PHF12: variants seen among roughly 807,000 people sequenced by gnomAD.
PHF12 encodes the protein PHD finger protein 12.
PHF12 carries 6 observed loss-of-function variants against 99.8 expected under a neutral mutation model. That is an observed-to-expected ratio of 0.06 (90% CI 0.03 to 0.12). PHF12 has a LOEUF of 0.12. Ranked by LOEUF, PHF12 falls within the 10% of genes least tolerant of loss-of-function variation. The pLI is 1.00. For synonymous variants in PHF12, 480 were observed against 514.9 expected (o/e 0.93, Z 0.92); for missense variants, 954 against 1,300.1 (o/e 0.73, Z 4.09).
chr17:28,906,570 G>T lies in PHF12; in HGVS notation c.2681-53C>A. 1 of 1,531,766 alleles carries T rather than the reference G, an allele frequency of 6.5e-7. No homozygotes were observed. The allele number at this position is 1,531,766 out of a possible 1,614,324, so 94.9% of individuals were successfully genotyped here. A position where few individuals can be genotyped will look rare whatever the true frequency, so the allele number is the denominator to read the frequency against. On this transcript the variant is annotated intron_variant, in intron 14 of 14. Transcript: ENST00000332830. This position sits in a 1 kb window ranked among gnomAD's most constrained non-coding sequence, Gnocchi z 4.2. Reference sequence around the variant, plus strand: ...GAGGAACAGTGAGCAGCCAACCCATGTGGGCTGTTTGCCAAGGTTGGGCTC... The same window carrying T: ...GAGGAACAGTGAGCAGCCAACCCATTTGGGCTGTTTGCCAAGGTTGGGCTC...
chr17:28,910,440 C>A, intron 10 of PHF12, 71 bp from the exon 11 acceptor site: 1 of 1,511,258 alleles, frequency 6.6e-7, no homozygotes, highest in Non-Finnish European at 9.0e-7. Flanking sequence ...ATCAGGGTCA[C>A]AGAGCAAATA....
At chr17:28,908,677 C>T in intron 12 of PHF12, 106 bp downstream of exon 12, 2 of 1,102,002 alleles carry the variant, frequency 1.8e-6, no homozygotes, top group South Asian at 1.4e-5. Flanking sequence ...AAGCAGTCAA[C>T]TCTGGAAAGG....
Position 28,912,973 on chromosome 17 carries a change from G to T in PHF12, c.1598C>A (p.Pro533His). The change falls in exon 9 of 15, where the codon CCT becomes CAT. Residue 533 changes from proline to histidine, a missense_variant. By Grantham distance (77) the Pro-to-His change is moderately conservative. Transcript: ENST00000332830. ...CACTGGCCCATTGGCAGTCCCACAA[G>T]GGGTTTTCTTGGATTTTTCCGCACA... ...SSCAEKSKKT[P>H]CGTANGPVNT... 1.2e-6 allele frequency: 2 copies of T among 1,614,236 alleles called. No individual in the cohort carries two copies. The highest frequency in any genetic ancestry group is 1.7e-5 in the Admixed American group (1 of 60,026).
At chr17:28,947,311 T>C (rs1301288360) in intron 2 of PHF12, among the ~76,000 whole-genome samples, 1 of 152,080 alleles carries the variant, frequency 6.6e-6, no homozygotes. Flanking sequence ...CATTCAAGAA[T>C]AAAAATGTTC....
chr17:28,928,777 A>AAAACAAAC (rs112582212), intron 2 of PHF12, among the ~76,000 whole-genome samples: 48 of 151,806 alleles, frequency 3.2e-4, no homozygotes, highest in African/African-American at 1.1e-3. Flanking sequence ...ACTCCATCTC[A>AAAACAAAC]AAACAAACAA....
chr17:28,951,278 TCCG>T lies in PHF12; in HGVS notation c.-321_-319del. On this transcript the variant is annotated 5_prime_UTR_variant, in exon 1 of 15. Coordinates refer to ENST00000332830, the MANE Select transcript of PHF12 (RefSeq NM_001033561.2). ...TAAAGCCGGCACTGGCGACAGCCGG[TCCG>T]GCCGGGAAGGCTGGCGGGCGCTGCC... is the stretch of plus-strand genomic sequence containing the variant. 8.7e-7 allele frequency: 1 copy of T among 1,142,896 alleles called. No homozygotes were observed. Among genetic ancestry groups the T allele is most frequent in the Non-Finnish European group, 1.1e-6 (1 of 927,344 alleles). 70.8% of individuals were successfully genotyped at this position (1,142,896 alleles called of 1,614,324 possible). A position where few individuals can be genotyped will look rare whatever the true frequency, so the allele number is the denominator to read the frequency against.
At chr17:28,914,163 C>T (rs955004630) in intron 7 of PHF12, 126 bp from the exon 8 acceptor site, 3 of 1,101,034 alleles carry the variant, frequency 2.7e-6, no homozygotes, top group South Asian at 1.7e-5. Context: ...CTGGGGTCTG[C>T]TGAGGAAAAG....
chr17:28,913,290 G>A lies in PHF12; in HGVS notation c.1294-13C>T. On this transcript the variant is annotated splice_polypyrimidine_tract_variant and intron_variant, in intron 8 of 14. Transcript: ENST00000332830. ...CACTACAGAGCCACTGCAATGGAAG[G>A]AGAGGAGAGGGGGGTGAGAAGCCTG... 1 of 1,590,938 alleles carries A rather than the reference G, an allele frequency of 6.3e-7. No homozygotes were observed. Among genetic ancestry groups the A allele is most frequent in the Non-Finnish European group, 8.6e-7 (1 of 1,166,332 alleles).
At position 28,906,436 on chromosome 17, in the gene PHF12, C is replaced by T. The variant is rs147060998; in HGVS notation, c.2762G>A (p.Arg921Gln). Residue 921 changes from arginine (R) to glutamine (Q), a missense_variant, in exon 15 of 15, where the codon CGG (arginine) becomes CAG (glutamine). Physicochemically the swap from Arg to Gln is conservative, Grantham distance 43. Coordinates refer to ENST00000332830, the MANE Select transcript of PHF12 (RefSeq NM_001033561.2). This position sits in a 1 kb window ranked among gnomAD's most constrained non-coding sequence, Gnocchi z 4.2. ...GCTGGCTTTGCAATTGCAGGGTCTC[C>T]GCTGCGGCCCCTGGGCCTGGGAACT... The part of the protein sequence containing the change: ...MMSSQAQGPQ[R>Q]RPCNCKASSS... 143 of 1,614,086 alleles carry T rather than the reference C, an allele frequency of 8.9e-5. No individual in the cohort carries two copies. Among genetic ancestry groups the T allele is most frequent in the East Asian group, 2.0e-4 (9 of 44,894 alleles).
At chr17:28,944,106 A>G (rs1196342040) in intron 2 of PHF12, among the ~76,000 whole-genome samples, 2 of 152,276 alleles carry the variant, frequency 1.3e-5, no homozygotes, top group Non-Finnish European at 2.9e-5. Context: ...ATTCAAATGA[A>G]AGCAGTACCT....
intron 2 of PHF12, among the ~76,000 whole-genome samples, chr17:28,948,195 T>G (rs971800675): frequency 1.3e-5 from 2 of 152,210 alleles, no homozygotes; most frequent in African/African-American, 4.8e-5. Context: ...GCAATCATGG[T>G]TAACACCAAT....
intron 9 of PHF12, 64 bp from the exon 10 acceptor site, chr17:28,911,301 C>T: frequency 2.5e-6 from 4 of 1,600,484 alleles, no homozygotes; most frequent in Non-Finnish European, 3.4e-6. Flanking sequence ...TCCAATCCCC[C>T]ACTGCTGAGA....
chr17:28,919,032 C>T lies in PHF12; in HGVS notation c.969+111G>A, dbSNP rs904123668. 7.3e-6 allele frequency: 10 copies of T among 1,376,592 alleles called. No homozygotes were observed. In the African/African-American group the frequency reaches 1.4e-4, roughly 20 times the overall value. 85.3% of individuals were successfully genotyped at this position (1,376,592 alleles called of 1,614,324 possible). A position where few individuals can be genotyped will look rare whatever the true frequency, so the allele number is the denominator to read the frequency against. The stretch of plus-strand genomic sequence containing the variant: ...TAGGGTGGCCTGCAGAAACCAGTAC[C>T]TATGACAATGTGGTGAACTTGGCAC... On this transcript the variant is annotated intron_variant, in intron 6 of 14. Coordinates refer to ENST00000332830, the MANE Select transcript of PHF12 (RefSeq NM_001033561.2).
chr17:28,935,350 T>C (rs1200343941), intron 2 of PHF12, among the ~76,000 whole-genome samples: 1 of 152,196 alleles, frequency 6.6e-6, no homozygotes, highest in African/African-American at 2.4e-5. Flanking sequence ...CAGCTCATTG[T>C]AGCCTCTGTC....
In PHF12 at chr17:28,921,767, T is replaced by G. The variant is rs774731998; in HGVS notation, c.757A>C (p.Asn253His). 1.9e-6 allele frequency: 3 copies of G among 1,614,020 alleles called. No homozygotes were observed. The highest frequency in any genetic ancestry group is 1.7e-6 in the Non-Finnish European group (2 of 1,180,002). ...RRRKEETTGK[N>H]VKKTQHELDH... ...AATTCATGCTGTGTCTTCTTAACAT[T>G]TTTCCCTGTGGTTTCCTCCTTTCTT... The change falls in exon 5 of 15, where the codon AAT becomes CAT. Residue 253 changes from asparagine (N) to histidine (H), a missense_variant. Physicochemically the swap from Asn to His is moderately conservative, Grantham distance 68. This residue lies in a region of PHF12 where 85 missense variants were observed against 196.6 expected (regional missense o/e 0.43). Coordinates refer to ENST00000332830, the MANE Select transcript of PHF12 (RefSeq NM_001033561.2).
chr17:28,927,390 A>C (rs2040300213), intron 2 of PHF12, among the ~76,000 whole-genome samples: 1 of 152,198 alleles, frequency 6.6e-6, no homozygotes, highest in South Asian at 2.1e-4. Context: ...ACTGCTGTTC[A>C]AAGCCCTGTC....
intron 2 of PHF12, among the ~76,000 whole-genome samples, chr17:28,935,484 C>G (rs2040492530): frequency 6.6e-6 from 1 of 152,118 alleles, no homozygotes; most frequent in African/African-American, 2.4e-5. Context: ...GTTGGCCAGG[C>G]TGGTCTTGAA....
chr17:28,941,953 CAA>C (rs893978990), intron 2 of PHF12, among the ~76,000 whole-genome samples: 8 of 152,154 alleles, frequency 5.3e-5, no homozygotes, highest in African/African-American at 1.9e-4. Flanking sequence ...GAGAAGTGCT[CAA>C]ACACAGACAT....
chr17:28,924,114 G>A lies in PHF12; in HGVS notation c.510C>T (p.Ser170=), dbSNP rs35864894. Reference sequence around the variant, plus strand: ...CAGAGGTGGGAGTCTCTGTGCTGGCGCTGGATGTGGGTGTGCCAGGCCTGC... The same window carrying A: ...CAGAGGTGGGAGTCTCTGTGCTGGCACTGGATGTGGGTGTGCCAGGCCTGC... The part of the protein sequence containing the change: ...RASRPGTPTS[S]ASTETPTSEQ... Residue 170 remains serine, a synonymous_variant, in exon 4 of 15, where the codon AGC becomes AGT. Transcript: ENST00000332830. The A allele has an allele frequency of 5.3e-4, 854 of 1,614,184 alleles. 4 individuals are homozygous for A. In the African/African-American group the frequency reaches 7.2e-3, roughly 14 times the overall value.
Sources: gnomAD v4.1 joint callset for allele counts (sites outside exome capture counted in the v4.1 genomes callset) on GRCh38, gnomAD v4.1.1 for gene constraint, gnomAD v4.1.1 regional missense constraint, Gnocchi (gnomAD v3.1) non-coding constraint, MANE v1.5 for transcripts, NCBI Gene and HGNC (gene_info 2026-07-23, HGNC 2026-07-21) for gene names.